The following IL1RAPL2 variants were observed in gnomAD, a reference collection of about 807,000 sequenced individuals.
The protein encoded by IL1RAPL2 is interleukin 1 receptor accessory protein like 2, also known as X-linked interleukin-1 receptor accessory protein-like 2.
Under a neutral mutation model 44.1 loss-of-function variants are expected in IL1RAPL2, and 3 were observed. The ratio of observed to expected loss-of-function variants is 0.07; its 90% confidence interval spans 0.03 to 0.18. The LOEUF (loss-of-function observed/expected upper bound fraction) is 0.18, where lower values mean the gene tolerates loss of function less well. Ranked by LOEUF, IL1RAPL2 falls within the 10% of genes least tolerant of loss-of-function variation. The probability of loss-of-function intolerance (pLI) is 1.00; values close to 1 mark genes in which losing one functional copy is unlikely to be tolerated. For synonymous variants in IL1RAPL2, 181 were observed against 178.8 expected (o/e 1.01, Z -0.10); for missense variants, 391 against 496.4 (o/e 0.79, Z 2.02).
chrX:105,268,359 C>T (rs955828105), intron 5 of IL1RAPL2, among the ~76,000 whole-genome samples: 3 of 111,111 alleles, frequency 2.7e-5, no homozygotes, highest in South Asian at 3.8e-4. Context: ...AAAATGGATA[C>T]GGGACAGAGA....
At chrX:104,759,683 C>A (rs765774328) in intron 2 of IL1RAPL2, among the ~76,000 whole-genome samples, 1 of 110,898 alleles carries the variant, frequency 9.0e-6, no homozygotes, top group Non-Finnish European at 1.9e-5. Flanking sequence ...TTTGTGGATA[C>A]ATAGTAGATG....
At chrX:105,431,983 C>A (rs901513828) in intron 5 of IL1RAPL2, among the ~76,000 whole-genome samples, 1 of 110,183 alleles carries the variant, frequency 9.1e-6, no homozygotes, top group African/African-American at 3.3e-5. Flanking sequence ...GGGTTTTGGA[C>A]ATGTTCTGGC....
intron 2 of IL1RAPL2, among the ~76,000 whole-genome samples, chrX:105,029,200 T>G (rs934945994): frequency 9.2e-6 from 1 of 108,462 alleles, no homozygotes; most frequent in Non-Finnish European, 1.9e-5. Context: ...GAGTCTTTTT[T>G]TTTTAGTTGA....
intron 6 of IL1RAPL2, among the ~76,000 whole-genome samples, chrX:105,501,712 A>G (rs1212873121): frequency 8.9e-6 from 1 of 111,844 alleles, no homozygotes; most frequent in African/African-American, 3.3e-5. Context: ...TAACCACAAA[A>G]TCACAGTGGC....
chrX:104,729,424 A>G (rs770430281), intron 2 of IL1RAPL2, among the ~76,000 whole-genome samples: 2 of 102,421 alleles, frequency 2.0e-5, no homozygotes, highest in Admixed American at 2.1e-4. Context: ...ATGATAGCCC[A>G]CAGCCCAAAT....
At chrX:104,740,863 C>G (rs1449421946) in intron 2 of IL1RAPL2, among the ~76,000 whole-genome samples, 1 of 111,425 alleles carries the variant, frequency 9.0e-6, no homozygotes, top group Non-Finnish European at 1.9e-5. Flanking sequence ...CCCTTTGAAA[C>G]CTTGTGTTAA....
intron 5 of IL1RAPL2, among the ~76,000 whole-genome samples, chrX:105,447,400 A>C (rs1418968841): frequency 4.3e-5 from 3 of 70,095 alleles, no homozygotes; most frequent in East Asian, 9.4e-4. Flanking sequence ...TAAATATATA[A>C]ATATATAAAT....
chrX:104,675,122 A>T (rs2147534381), intron 2 of IL1RAPL2, among the ~76,000 whole-genome samples: 1 of 110,331 alleles, frequency 9.1e-6, no homozygotes, highest in East Asian at 2.9e-4. Flanking sequence ...GTTCTTAGTT[A>T]TTTCTTGCCT....
At chrX:105,195,898 A>C in intron 3 of IL1RAPL2, 150 bp downstream of exon 3, 1 of 523,114 alleles carries the variant, frequency 1.9e-6, no homozygotes, top group Admixed American at 3.4e-5. Context: ...TCCAGTTCTA[A>C]TTATCTATCA....
chrX:104,769,381 T>C (rs1024960871), intron 2 of IL1RAPL2, among the ~76,000 whole-genome samples: 1 of 111,897 alleles, frequency 8.9e-6, no homozygotes, highest in African/African-American at 3.2e-5. Flanking sequence ...GGGACCAGTT[T>C]TCTAAGGTCA....
chrX:105,517,514 A>G (rs1298743461), intron 6 of IL1RAPL2, among the ~76,000 whole-genome samples: 8 of 111,234 alleles, frequency 7.2e-5, no homozygotes, highest in Non-Finnish European at 1.1e-4. Context: ...CACTTGCTCT[A>G]TCATTTCACA....
chrX:105,329,750 T>C (rs1173235299), intron 5 of IL1RAPL2, among the ~76,000 whole-genome samples: 1 of 111,185 alleles, frequency 9.0e-6, no homozygotes, highest in Non-Finnish European at 1.9e-5. Flanking sequence ...AGATAGATGT[T>C]GTAAGTGTAA....
intron 2 of IL1RAPL2, among the ~76,000 whole-genome samples, chrX:105,006,031 G>A (rs1389709891): frequency 3.6e-5 from 4 of 110,519 alleles, no homozygotes; most frequent in African/African-American, 1.3e-4. Flanking sequence ...AGACACATGG[G>A]GGATTTTTAT....
chrX:105,162,465 C>G (rs2147595852), intron 2 of IL1RAPL2, among the ~76,000 whole-genome samples: 1 of 112,144 alleles, frequency 8.9e-6, no homozygotes, highest in Admixed American at 9.4e-5. Context: ...CCACAATCTT[C>G]TAAAGAGAAA....
intron 2 of IL1RAPL2, among the ~76,000 whole-genome samples, chrX:104,917,128 A>C (rs1283454717): frequency 1.8e-5 from 2 of 111,776 alleles, no homozygotes; most frequent in Non-Finnish European, 1.9e-5. Flanking sequence ...TGATTGGAAT[A>C]GTTTCAGAAG....
chrX:104,624,590 T>G (rs1184010648), intron 1 of IL1RAPL2, among the ~76,000 whole-genome samples: 1 of 111,792 alleles, frequency 8.9e-6, no homozygotes, highest in African/African-American at 3.2e-5. Flanking sequence ...TTAGGTTTAT[T>G]GGAGAAAATA....
intron 2 of IL1RAPL2, among the ~76,000 whole-genome samples, chrX:104,966,513 T>C (rs1200990851): frequency 8.9e-6 from 1 of 111,955 alleles, no homozygotes; most frequent in African/African-American, 3.2e-5. Context: ...TCTTACATAA[T>C]GACTGAGAAT....
chrX:105,658,717 T>C (rs1276342257), intron 6 of IL1RAPL2, among the ~76,000 whole-genome samples: 3 of 108,278 alleles, frequency 2.8e-5, no homozygotes, highest in Non-Finnish European at 5.7e-5. Context: ...CCCCAGCACT[T>C]TGGGAGGTGG....
At chrX:105,248,469 C>T (rs1272616905) in intron 4 of IL1RAPL2, among the ~76,000 whole-genome samples, 1 of 111,135 alleles carries the variant, frequency 9.0e-6, no homozygotes, top group Non-Finnish European at 1.9e-5. Flanking sequence ...ACCAGTTAGA[C>T]ATGTAAAGGT....
Sources: allele counts gnomAD v4.1 joint callset (sites outside exome capture counted in the v4.1 genomes callset), GRCh38; gene constraint gnomAD v4.1.1; transcripts MANE v1.5; gene names NCBI Gene and HGNC (gene_info 2026-07-23, HGNC 2026-07-21).